Variants in HYAL3 observed in about 807,000 individuals in gnomAD.
The protein encoded by HYAL3 is hyaluronidase 3, also known as hyaluronidase-3.
HYAL3 carries 25 observed loss-of-function variants against 29.6 expected under a neutral mutation model. That is an observed-to-expected ratio of 0.85 (90% CI 0.62 to 1.18). HYAL3 has a LOEUF of 1.18. Ranked by LOEUF, HYAL3 falls within the 50% of genes most tolerant of loss-of-function variation. The pLI is 0.00. For synonymous variants in HYAL3, 215 were observed against 218.3 expected (o/e 0.99, Z 0.13); for missense variants, 442 against 548.4 (o/e 0.81, Z 1.94).
chr3:50,294,923 C>T lies in HYAL3; in HGVS notation c.680G>A (p.Arg227His), dbSNP rs1409775709. 1.3e-5 allele frequency: 20 copies of T among 1,595,396 alleles called. No homozygotes were observed. The highest frequency in any genetic ancestry group is 1.7e-4 in the Middle Eastern group (1 of 6,014). The change falls in exon 2 of 4, where the codon CGC becomes CAC. Residue 227 changes from arginine (R) to histidine (H), a missense_variant. Physicochemically the swap from Arg to His is conservative, Grantham distance 29. Transcript: ENST00000336307. Reference sequence around the variant, plus strand: ...CCAGAGCCAATGCAGTTGAGTGTTGCGGGCAAGGGTGGCTGCATGGCAGCG... The same window carrying T: ...CCAGAGCCAATGCAGTTGAGTGTTGTGGGCAAGGGTGGCTGCATGGCAGCG... ...TGRCHAATLARNTQLHWLWAA... is the reference protein window; with the variant it reads ...TGRCHAATLAHNTQLHWLWAA...
Position 50,297,041 on chromosome 3 carries a change from CACT to C in HYAL3, c.-17-1425_-17-1423del, listed in dbSNP as rs782609565. The C allele has an allele frequency of 7.2e-6, 11 of 1,537,202 alleles. No homozygotes were observed. The highest frequency in any genetic ancestry group is 9.6e-6 in the Non-Finnish European group (11 of 1,145,240). On this transcript the variant is annotated intron_variant, in intron 1 of 3. Transcript: ENST00000336307. The surrounding 1 kb of genome is among the most constrained non-coding windows in gnomAD (Gnocchi z 4.3). ...GGCCCCTCAGGGCCCGGGCCACCAC[CACT>C]GTCTCCACTAAGAGGCTCTGGGGCT...
intron 1 of HYAL3, chr3:50,298,965 G>C: frequency 7.0e-7 from 1 of 1,438,546 alleles, no homozygotes; most frequent in Non-Finnish European, 9.1e-7. Flanking sequence ...GGGGCTCCGG[G>C]GTCCTCAGAG....
At position 50,295,259 on chromosome 3, in the gene HYAL3, C is replaced by T. The variant is rs1553710871; in HGVS notation, c.344G>A (p.Ser115Asn). The change falls in exon 2 of 4, where the codon AGC becomes AAC. Residue 115 changes from serine (S) to asparagine (N), a missense_variant. Coordinates refer to ENST00000336307, the MANE Select transcript of HYAL3 (RefSeq NM_003549.4). ...LALAAYQIHH[S>N]LRPGFAGPAV... ...TGGGCCAGCAAAGCCAGGTCTCAGG[C>T]TGTGGTGGATCTGGTAGGCAGCCAG... 1 of 1,614,010 alleles carries T rather than the reference C, an allele frequency of 6.2e-7. No homozygotes were observed. The highest frequency in any genetic ancestry group is 1.1e-5 in the South Asian group (1 of 91,092).
At chr3:50,296,259 G>T (rs935028271) in intron 1 of HYAL3, 18 of 326,998 alleles carry the variant, frequency 5.5e-5, no homozygotes, top group African/African-American at 3.0e-4. Context: ...TGAGCCAGGT[G>T]GGGGGTAAAG....
In HYAL3 at chr3:50,292,875, G is replaced by A. The variant is rs148765002; in HGVS notation, c.*371C>T. On this transcript the variant is annotated 3_prime_UTR_variant, in exon 4 of 4. Transcript: ENST00000336307. Reference sequence around the variant, plus strand: ...TTATGATGAAAGAGTGCAGACAACAGCTTAGCACTTTACCGACCTTCGCCA... The same window carrying A: ...TTATGATGAAAGAGTGCAGACAACAACTTAGCACTTTACCGACCTTCGCCA... 1.3e-6 allele frequency: 2 copies of A among 1,491,284 alleles called. No individual in the cohort carries two copies. Among genetic ancestry groups the A allele is most frequent in the South Asian group, 2.2e-5 (2 of 89,316 alleles). The allele number at this position is 1,491,284 out of a possible 1,614,324, so 92.4% of individuals were successfully genotyped here. A position where few individuals can be genotyped will look rare whatever the true frequency, so the allele number is the denominator to read the frequency against.
chr3:50,295,563 C>A lies in HYAL3; in HGVS notation c.40G>T (p.Ala14Ser). ...GGCTGGCCACAACCCAGGCACAGGGCCACCCCCAGCACCAGGGCTGGGCCC... is the reference window on the plus strand; with the variant it reads ...GGCTGGCCACAACCCAGGCACAGGGACACCCCCAGCACCAGGGCTGGGCCC... ...QLGPALVLGV[A>S]LCLGCGQPLP... The change falls in exon 2 of 4, where the codon GCC becomes TCC. Residue 14 changes from alanine (A) to serine (S), a missense_variant. By Grantham distance (99) the Ala-to-Ser change is moderately conservative (BLOSUM62 1). Coordinates refer to ENST00000336307, the MANE Select transcript of HYAL3 (RefSeq NM_003549.4). 1 of 1,572,252 alleles carries A rather than the reference C, an allele frequency of 6.4e-7. No homozygotes were observed. Among genetic ancestry groups the A allele is most frequent in the Non-Finnish European group, 8.6e-7 (1 of 1,156,300 alleles).
intron 1 of HYAL3, among the ~76,000 whole-genome samples, chr3:50,296,041 C>T (rs1392324418): frequency 2.6e-5 from 4 of 152,220 alleles, no homozygotes; most frequent in Admixed American, 2.6e-4. Context: ...GACATCACTG[C>T]CCTGGGAGGT....
Position 50,297,091 on chromosome 3 carries a change from G to A in HYAL3, c.-17-1472C>T, listed in dbSNP as rs1372046110. On this transcript the variant is annotated intron_variant, in intron 1 of 3. Coordinates refer to ENST00000336307, the MANE Select transcript of HYAL3 (RefSeq NM_003549.4). This position sits in a 1 kb window ranked among gnomAD's most constrained non-coding sequence, Gnocchi z 4.3. ...GGCTGGTTCAGCACCCGTGACAGGCGGGCATGGCCCACCACAACGGGTGCT... is the reference window on the plus strand; with the variant it reads ...GGCTGGTTCAGCACCCGTGACAGGCAGGCATGGCCCACCACAACGGGTGCT... 7 of 1,544,128 alleles carry A rather than the reference G, an allele frequency of 4.5e-6. No homozygotes were observed. The highest frequency in any genetic ancestry group is 1.2e-5 in the South Asian group (1 of 80,504).
chr3:50,296,916 T>C lies in HYAL3; in HGVS notation c.-17-1297A>G, dbSNP rs782806200. 56 of 1,609,676 alleles carry C rather than the reference T, an allele frequency of 3.5e-5. No homozygotes were observed. The highest frequency in any genetic ancestry group is 4.3e-5 in the Non-Finnish European group (51 of 1,178,852). On this transcript the variant is annotated intron_variant, in intron 1 of 3. Coordinates refer to ENST00000336307, the MANE Select transcript of HYAL3 (RefSeq NM_003549.4). The stretch of plus-strand genomic sequence containing the variant: ...ACCCAGCTGGTAGCCCAGGTGGGTA[T>C]AGAAGTGCACCTGGTCATGGGTGGT...
At position 50,297,124 on chromosome 3, in the gene HYAL3, G is replaced by T. The variant is rs1553711396; in HGVS notation, c.-17-1505C>A. 1 of 1,568,178 alleles carries T rather than the reference G, an allele frequency of 6.4e-7. No individual in the cohort carries two copies. Among genetic ancestry groups the T allele is most frequent in the Non-Finnish European group, 8.7e-7 (1 of 1,155,010 alleles). On this transcript the variant is annotated intron_variant, in intron 1 of 3. Coordinates refer to ENST00000336307, the MANE Select transcript of HYAL3 (RefSeq NM_003549.4). The surrounding 1 kb of genome is among the most constrained non-coding windows in gnomAD (Gnocchi z 4.3). ...CCCACCACAACGGGTGCTGCTTCAAGTGTGGGGTGGGGGCTTAGCAGCATC... is the reference window on the plus strand; with the variant it reads ...CCCACCACAACGGGTGCTGCTTCAATTGTGGGGTGGGGGCTTAGCAGCATC...
At chr3:50,296,517 G>C (rs1002895615) in intron 1 of HYAL3, 2 of 1,478,920 alleles carry the variant, frequency 1.4e-6, no homozygotes, top group East Asian at 4.6e-5. Context: ...GGGGCTAGGG[G>C]CTGAGGTATG....
chr3:50,299,374 A>C lies in HYAL3; in HGVS notation c.-179T>G. On this transcript the variant is annotated 5_prime_UTR_variant, in exon 1 of 4. Coordinates refer to ENST00000336307, the MANE Select transcript of HYAL3 (RefSeq NM_003549.4). ...TCCTGCGGCACGCCACGGCGTTCTA[A>C]GGCCTCCCAGCACCCGCGCGTCGCC... The C allele has an allele frequency of 6.7e-7, 1 of 1,491,884 alleles. No homozygotes were observed. The highest frequency in any genetic ancestry group is 1.2e-5 in the South Asian group (1 of 83,546). 92.4% of individuals were successfully genotyped at this position (1,491,884 alleles called of 1,614,324 possible).
intron 2 of HYAL3, among the ~76,000 whole-genome samples, chr3:50,294,235 G>A (rs1701758739): frequency 6.6e-6 from 1 of 152,180 alleles, no homozygotes; most frequent in Non-Finnish European, 1.5e-5. Flanking sequence ...AGGAAGTGAA[G>A]GCCGCAGTGA....
intron 1 of HYAL3, 185 bp downstream of exon 1, chr3:50,299,028 T>A (rs1391960940): frequency 2.0e-6 from 3 of 1,526,806 alleles, no homozygotes; most frequent in African/African-American, 2.7e-5. Flanking sequence ...TCCTAGTGGG[T>A]CACAGGCTGT....
chr3:50,296,781 G>C (rs1341745065), intron 1 of HYAL3: 1 of 1,594,564 alleles, frequency 6.3e-7, no homozygotes, highest in Non-Finnish European at 8.5e-7. Context: ...AGCTTGGGCA[G>C]TCAGGTTTGG....
rs1553710847 is a variant in HYAL3, at chr3:50,295,200, A to C, written c.403T>G (p.Trp135Gly). The C allele has an allele frequency of 1.2e-6, 2 of 1,613,492 alleles. No homozygotes were observed. Among genetic ancestry groups the C allele is most frequent in the Non-Finnish European group, 1.7e-6 (2 of 1,180,030 alleles). Residue 135 changes from tryptophan (W) to glycine (G), a missense_variant, in exon 2 of 4, where the codon TGG becomes GGG. Coordinates refer to ENST00000336307, the MANE Select transcript of HYAL3 (RefSeq NM_003549.4). ...CGGCGGCGGCCCCAGTTCCCAGCCCAGAGTGGACACCACTCCTCCCAATCC... is the reference window on the plus strand; with the variant it reads ...CGGCGGCGGCCCCAGTTCCCAGCCCCGAGTGGACACCACTCCTCCCAATCC... ...VLDWEEWCPL[W>G]AGNWGRRRAY...
chr3:50,299,278 C>A lies in HYAL3; in HGVS notation c.-83G>T. ...CGCACAGCTGGGTATCTCACTCAGT[C>A]GCCACCTCGGACTCCTCGGTCCGAC... On this transcript the variant is annotated 5_prime_UTR_variant, in exon 1 of 4. Transcript: ENST00000336307. 6.2e-7 allele frequency: 1 copy of A among 1,613,510 alleles called. No homozygotes were observed. Among genetic ancestry groups the A allele is most frequent in the Non-Finnish European group, 8.5e-7 (1 of 1,179,934 alleles).
chr3:50,295,783 A>G, intron 1 of HYAL3, 164 bp from the exon 2 acceptor site: 1 of 455,220 alleles, frequency 2.2e-6, no homozygotes, highest in East Asian at 3.7e-5. Context: ...TAAAGCAGCC[A>G]CACCGCAAGC....
chr3:50,296,509 G>A lies in HYAL3; in HGVS notation c.-17-890C>T, dbSNP rs1415584077. 4 of 1,421,584 alleles carry A rather than the reference G, an allele frequency of 2.8e-6. No homozygotes were observed. The South Asian group carries it at 5.1e-5, about 18-fold the overall frequency. 88.1% of individuals were successfully genotyped at this position (1,421,584 alleles called of 1,614,324 possible). A position where few individuals can be genotyped will look rare whatever the true frequency, so the allele number is the denominator to read the frequency against. On this transcript the variant is annotated intron_variant, in intron 1 of 3. Transcript: ENST00000336307. ...GCCCAGGTTAAAGCTGCCCCCCAGGGGCTAGGGGCTGAGGTATGGTCAGTG... is the reference window on the plus strand; with the variant it reads ...GCCCAGGTTAAAGCTGCCCCCCAGGAGCTAGGGGCTGAGGTATGGTCAGTG...
Sources: allele counts gnomAD v4.1 joint callset (sites outside exome capture counted in the v4.1 genomes callset), GRCh38; gene constraint gnomAD v4.1.1; non-coding constraint Gnocchi (gnomAD v3.1); transcripts MANE v1.5; gene names NCBI Gene and HGNC (gene_info 2026-07-23, HGNC 2026-07-21).